Variants in MPP7 observed in about 807,000 individuals in gnomAD.
The protein encoded by MPP7 is MAGUK p55 subfamily member 7.
MPP7 carries 60 observed loss-of-function variants against 76.5 expected under a neutral mutation model. That is an observed-to-expected ratio of 0.78 (90% confidence interval 0.64 to 0.97). The LOEUF (loss-of-function observed/expected upper bound fraction) is 0.97, where lower values mean the gene tolerates loss of function less well. MPP7 is among the 50% of genes least tolerant of loss of function. MPP7 has a pLI of 0.00. For missense variants in MPP7, 641 were observed against 694.0 expected (o/e 0.92, Z 0.86); for synonymous variants, 237 against 244.5 (o/e 0.97, Z 0.29).
At chr10:28,089,868 T>TAA in intron 11 of MPP7, 27 bp from the exon 12 acceptor site, 1 of 1,237,400 alleles carries the variant, frequency 8.1e-7, no homozygotes, top group Non-Finnish European at 1.1e-6. Flanking sequence ...AAATATATTT[T>TAA]TAGTAACATC....
intron 12 of MPP7, among the ~76,000 whole-genome samples, chr10:28,079,359 A>G (rs887985037): frequency 1.2e-4 from 18 of 152,082 alleles, no homozygotes; most frequent in African/African-American, 2.9e-4. Flanking sequence ...CAAAAAAAAA[A>G]AGAAAGAAAC....
At chr10:28,292,844 G>A (rs11006990) in intron 1 of MPP7, among the ~76,000 whole-genome samples, 15,684 of 152,212 alleles carry the variant, frequency 0.1, 1,282 homozygotes, top group East Asian at 0.41. Flanking sequence ...GTGAGAGAGA[G>A]AGAATGTGTG....
At chr10:28,140,281 C>T (rs1318270653) in intron 5 of MPP7, among the ~76,000 whole-genome samples, 1 of 152,142 alleles carries the variant, frequency 6.6e-6, no homozygotes, top group Non-Finnish European at 1.5e-5. Context: ...TAGGCTGGGG[C>T]AGGCGGATCA....
chr10:28,084,908 G>T (rs1271349979), intron 12 of MPP7, among the ~76,000 whole-genome samples: 1 of 152,178 alleles, frequency 6.6e-6, no homozygotes, highest in Non-Finnish European at 1.5e-5. Flanking sequence ...AGGAAAGAGA[G>T]AGGTGAGCCC....
intron 11 of MPP7, among the ~76,000 whole-genome samples, chr10:28,103,085 C>T (rs1212283792): frequency 1.3e-5 from 2 of 152,110 alleles, no homozygotes; most frequent in African/African-American, 4.8e-5. Flanking sequence ...CCTTTGCACA[C>T]ACTTGTGCAC....
At chr10:28,254,004 G>GAAAAAAAAAAAAAAAAAAAAAAAA (rs199511617) in intron 1 of MPP7, among the ~76,000 whole-genome samples, 3 of 92,316 alleles carry the variant, frequency 3.2e-5, no homozygotes, top group Non-Finnish European at 6.2e-5. Context: ...TCACAAAAAA[G>GAAAAAAAAAAAAAAAAAAAAAAAA]AAAAAAAAAA....
rs569623032 is a variant in MPP7 at position 28,250,245 on chromosome 10, G to A, written c.-131-11510C>T. Among the ~76,000 whole-genome samples, 4 of 152,236 alleles carry A rather than the reference G, an allele frequency of 2.6e-5. No homozygotes were observed. The South Asian group carries it at 8.3e-4, about 32-fold the overall frequency. On this transcript the variant is annotated intron_variant, in intron 1 of 16. Transcript: ENST00000683449. ...TCAAGTAATGGTGTCTGTAATTTATGCAAAAATACTTCAGCAGAGAGGCGG... is the reference window on the plus strand; with the variant it reads ...TCAAGTAATGGTGTCTGTAATTTATACAAAAATACTTCAGCAGAGAGGCGG...
At chr10:28,082,771 T>C (rs1588740366) in intron 12 of MPP7, among the ~76,000 whole-genome samples, 3 of 152,192 alleles carry the variant, frequency 2.0e-5, no homozygotes, top group Admixed American at 2.0e-4. Flanking sequence ...GCTCAGTCTC[T>C]TTTTTTATTT....
intron 12 of MPP7, among the ~76,000 whole-genome samples, chr10:28,074,105 A>G (rs1852370488): frequency 6.6e-6 from 1 of 152,104 alleles, no homozygotes; most frequent in Non-Finnish European, 1.5e-5. Context: ...TACCATCCCC[A>G]CCAAATAAAT....
At chr10:28,169,506 A>AC (rs113265094) in intron 3 of MPP7, among the ~76,000 whole-genome samples, 20,149 of 151,802 alleles carry the variant, frequency 0.13, 2,035 homozygotes, top group African/African-American at 0.28. Context: ...ACAAAGCAAG[A>AC]CCCCATCTCT....
In MPP7 at chr10:28,101,934, C is replaced by A. The variant is rs1010178855; in HGVS notation, c.953-12093G>T. Among the ~76,000 whole-genome samples the A allele has an allele frequency of 2.0e-5, 3 of 151,484 alleles. No individual in the cohort carries two copies. In the East Asian group the frequency reaches 5.9e-4, roughly 30 times the overall value. On this transcript the variant is annotated intron_variant, in intron 11 of 16. Coordinates refer to ENST00000683449, the MANE Select transcript of MPP7 (RefSeq NM_001318170.2). ...TTCTATGCCATCCACCAAAGCTAAG[C>A]AAAATTTTCAAAAGCCTATAGGAAG...
At chr10:28,131,998 TA>T (rs1332340464) in intron 5 of MPP7, among the ~76,000 whole-genome samples, 1 of 152,120 alleles carries the variant, frequency 6.6e-6, no homozygotes, top group African/African-American at 2.4e-5. Context: ...GGTTTATCCT[TA>T]AAAAGGTAGC....
At chr10:28,127,091 G>A (rs78057596) in intron 6 of MPP7, among the ~76,000 whole-genome samples, 2,113 of 152,254 alleles carry the variant, frequency 0.014, 53 homozygotes, top group African/African-American at 0.048. Context: ...ACATACAGCC[G>A]TGGTTTGCAA....
chr10:28,061,572 G>A (rs984957689), intron 13 of MPP7, among the ~76,000 whole-genome samples: 5 of 151,956 alleles, frequency 3.3e-5, no homozygotes, highest in African/African-American at 1.2e-4. Context: ...ATATGTCATA[G>A]GAGTACTAGA....
chr10:28,143,135 A>G (rs1371781264), intron 5 of MPP7, among the ~76,000 whole-genome samples: 1 of 152,208 alleles, frequency 6.6e-6, no homozygotes, highest in African/African-American at 2.4e-5. Context: ...AGTGCATTCT[A>G]TGATCCCACA....
At chr10:28,075,824 G>A (rs1304266491) in intron 12 of MPP7, among the ~76,000 whole-genome samples, 1 of 152,126 alleles carries the variant, frequency 6.6e-6, no homozygotes, top group African/African-American at 2.4e-5. Flanking sequence ...GTACTTGCCT[G>A]CTTCCTTGTC....
At chr10:28,242,920 A>C (rs1171096538) in intron 1 of MPP7, among the ~76,000 whole-genome samples, 1 of 152,164 alleles carries the variant, frequency 6.6e-6, no homozygotes, top group Non-Finnish European at 1.5e-5. Flanking sequence ...AATTAATATT[A>C]ATTGACTCTT....
At chr10:28,151,085 CTCTTTAATTATACT>C (rs564336448) in intron 3 of MPP7, among the ~76,000 whole-genome samples, 59 of 152,324 alleles carry the variant, frequency 3.9e-4, no homozygotes, top group African/African-American at 1.3e-3. Flanking sequence ...AAGTAATACA[CTCTTTAATTATACT>C]CAAAGCTAAC....
chr10:28,295,134 C>T (rs1432583714), intron 1 of MPP7, among the ~76,000 whole-genome samples: 1 of 152,100 alleles, frequency 6.6e-6, no homozygotes, highest in Non-Finnish European at 1.5e-5. Flanking sequence ...CCAAGGTATG[C>T]TAAAGTTTGA....
Sources: allele counts gnomAD v4.1 joint callset (sites outside exome capture counted in the v4.1 genomes callset), GRCh38; gene constraint gnomAD v4.1.1; transcripts MANE v1.5; gene names NCBI Gene and HGNC (gene_info 2026-07-23, HGNC 2026-07-21).